The following SLC25A13 variants were observed in gnomAD, a reference collection of about 807,000 sequenced individuals.
SLC25A13 encodes solute carrier family 25 member 13, also known as electrogenic aspartate/glutamate antiporter SLC25A13, mitochondrial.
A neutral mutation model predicts 85.5 loss-of-function variants in SLC25A13; 70 were observed. The observed-to-expected ratio is 0.82, with a 90% CI of 0.68 to 1.00. The LOEUF (loss-of-function observed/expected upper bound fraction) is 1.00, where lower values mean the gene tolerates loss of function less well. Among genes scored for constraint, SLC25A13 ranks in the 50% least tolerant of loss-of-function variants. The probability of loss-of-function intolerance (pLI) is 0.00; values close to 1 mark genes in which losing one functional copy is unlikely to be tolerated. For synonymous variants in SLC25A13, 259 were observed against 288.7 expected, an observed-to-expected ratio of 0.90 and a Z score of 1.04; for missense variants, 765 against 819.8, an observed-to-expected ratio of 0.93 and a Z score of 0.82.
intron 11 of SLC25A13, among the ~76,000 whole-genome samples, chr7:96,175,130 T>A (rs1794169482): frequency 6.6e-6 from 1 of 152,112 alleles, no homozygotes; most frequent in African/African-American, 2.4e-5. Flanking sequence ...GAGAACCAGT[T>A]CTTCTGCCTG....
intron 14 of SLC25A13, among the ~76,000 whole-genome samples, chr7:96,138,398 CTTTTTTTTTT>C (rs751447641): frequency 5.0e-5 from 7 of 139,568 alleles, no homozygotes; most frequent in African/African-American, 1.6e-4. Flanking sequence ...TTTTCTTTTT[CTTTTTTTTTT>C]TTTTTGAAAC....
rs143048300 is a variant in SLC25A13, at chr7:96,307,484, G to T, written c.16-10533C>A. 2.7e-3 allele frequency among the ~76,000 whole-genome samples: 404 copies of T among 151,612 alleles called. 2 individuals are homozygous for T. The highest frequency in any genetic ancestry group is 4.2e-3 in the Non-Finnish European group (284 of 67,878). On this transcript the variant is annotated intron_variant, in intron 1 of 17. Coordinates refer to ENST00000265631, the MANE Select transcript of SLC25A13 (RefSeq NM_014251.3). ...AGGAGGCTGAGGTGGGAGGACTGTT[G>T]GTTGAGACCGCAGTGAGCCATAATC...
At chr7:96,215,180 C>A (rs919890539) in intron 4 of SLC25A13, among the ~76,000 whole-genome samples, 6 of 152,160 alleles carry the variant, frequency 3.9e-5, no homozygotes, top group African/African-American at 1.4e-4. Flanking sequence ...CTCACTGCAA[C>A]CTCTGCCTCC....
chr7:96,235,819 G>A (rs1482374052), intron 3 of SLC25A13, among the ~76,000 whole-genome samples: 2 of 152,196 alleles, frequency 1.3e-5, no homozygotes, highest in African/African-American at 4.8e-5. Context: ...CTTTCCGAAG[G>A]TCAAAATGTG....
At chr7:96,277,680 TG>T (rs1798512305) in intron 2 of SLC25A13, among the ~76,000 whole-genome samples, 1 of 152,070 alleles carries the variant, frequency 6.6e-6, no homozygotes. Context: ...GATGACTCCC[TG>T]CAACAGACAG....
At chr7:96,315,610 G>C (rs1421355784) in intron 1 of SLC25A13, among the ~76,000 whole-genome samples, 3 of 152,124 alleles carry the variant, frequency 2.0e-5, no homozygotes, top group Non-Finnish European at 2.9e-5. Flanking sequence ...AGGCCATCCA[G>C]CTCCAACAAG....
At position 96,220,479 on chromosome 7, in the gene SLC25A13, C is replaced by A. The variant is rs544630728; in HGVS notation, c.329-11502G>T. On this transcript the variant is annotated intron_variant, in intron 4 of 17. Coordinates refer to ENST00000265631, the MANE Select transcript of SLC25A13 (RefSeq NM_014251.3). ...ATGTTCTTGATTTTGTTTCCTTTATCAACCTATCAGAGCAAAAACTGCCTT... is the reference window on the plus strand; with the variant it reads ...ATGTTCTTGATTTTGTTTCCTTTATAAACCTATCAGAGCAAAAACTGCCTT... Among the ~76,000 whole-genome samples, 13 of 152,228 alleles carry A rather than the reference C, an allele frequency of 8.5e-5. 1 individual carries two copies. The South Asian group carries it at 2.5e-3, about 29-fold the overall frequency.
At chr7:96,298,713 A>T (rs1446015016) in intron 1 of SLC25A13, among the ~76,000 whole-genome samples, 1 of 152,218 alleles carries the variant, frequency 6.6e-6, no homozygotes, top group Non-Finnish European at 1.5e-5. Context: ...GATTACAGGC[A>T]TGAGCCACTG....
chr7:96,223,516 G>A (rs559188582), intron 4 of SLC25A13, among the ~76,000 whole-genome samples: 6 of 152,218 alleles, frequency 3.9e-5, no homozygotes, highest in African/African-American at 7.2e-5. Flanking sequence ...GGCTAGGCAC[G>A]GTGGCTCACG....
intron 5 of SLC25A13, among the ~76,000 whole-genome samples, chr7:96,194,442 C>CAAAAAAAAAAAAAAAAAAAA (rs546248549): frequency 1.4e-4 from 4 of 27,692 alleles, no homozygotes; most frequent in Non-Finnish European, 2.0e-4. Flanking sequence ...AACCTTGTCT[C>CAAAAAAAAAAAAAAAAAAAA]AAAAAAAAAA....
At chr7:96,153,194 C>T (rs1383229298) in intron 13 of SLC25A13, among the ~76,000 whole-genome samples, 1 of 152,104 alleles carries the variant, frequency 6.6e-6, no homozygotes, top group East Asian at 1.9e-4. Flanking sequence ...CAGAAACTGA[C>T]AAATCATAGT....
chr7:96,186,477 A>G (rs1317588658), intron 9 of SLC25A13, among the ~76,000 whole-genome samples: 1 of 152,222 alleles, frequency 6.6e-6, no homozygotes, highest in East Asian at 1.9e-4. Context: ...GTAACAAGCT[A>G]CAAGAATGTA....
intron 5 of SLC25A13, among the ~76,000 whole-genome samples, chr7:96,203,476 A>C (rs535713733): frequency 1.3e-5 from 2 of 152,288 alleles, no homozygotes; most frequent in African/African-American, 4.8e-5. Context: ...CAAATCCAGA[A>C]AACTTCTTTA....
rs982332112 is a variant in SLC25A13, at chr7:96,281,211, T to C, written c.70-3873A>G. 2.6e-5 allele frequency among the ~76,000 whole-genome samples: 4 copies of C among 151,798 alleles called. No individual in the cohort carries two copies. The East Asian group carries it at 5.8e-4, about 22-fold the overall frequency. ...CTTGAGACCAGCCTGGCCAACATGG[T>C]GAAACCCCGTCTGTACTAAAAATAC... is the stretch of plus-strand genomic sequence containing the variant. On this transcript the variant is annotated intron_variant, in intron 2 of 17. Coordinates refer to ENST00000265631, the MANE Select transcript of SLC25A13 (RefSeq NM_014251.3).
intron 3 of SLC25A13, among the ~76,000 whole-genome samples, chr7:96,269,475 A>C (rs561764578): frequency 2.6e-5 from 4 of 152,382 alleles, no homozygotes; most frequent in Non-Finnish European, 4.4e-5. Context: ...GGATCAAGCC[A>C]AAACTACCAC....
At position 96,151,710 on chromosome 7, in the gene SLC25A13, A is replaced by G. The variant is rs937034783; in HGVS notation, c.1312-5014T>C. On this transcript the variant is annotated intron_variant, in intron 13 of 17. Transcript: ENST00000265631. Reference sequence around the variant, plus strand: ...GTAATCCCAGCACTTTGGGAGGTCAAGGCAGGTGGATCACCTGAGGTCAGG... The same window carrying G: ...GTAATCCCAGCACTTTGGGAGGTCAGGGCAGGTGGATCACCTGAGGTCAGG... Among the ~76,000 whole-genome samples the G allele has an allele frequency of 2.0e-5, 3 of 152,168 alleles. No homozygotes were observed. In the East Asian group the frequency reaches 5.8e-4, roughly 29 times the overall value.
At chr7:96,132,881 C>T (rs1176788923) in intron 14 of SLC25A13, among the ~76,000 whole-genome samples, 1 of 152,150 alleles carries the variant, frequency 6.6e-6, no homozygotes, top group African/African-American at 2.4e-5. Context: ...CTGTCTGATG[C>T]TCCAAACTGT....
rs146289118 is a variant in SLC25A13 at position 96,287,122 on chromosome 7, C to T, written c.69+9776G>A. ...ATTAACTAAGAAGCTCGGCCTGGCA[C>T]GGTCCCCACATTGCTGTGTTTCCCG... On this transcript the variant is annotated intron_variant, in intron 2 of 17. Coordinates refer to ENST00000265631, the MANE Select transcript of SLC25A13 (RefSeq NM_014251.3). Among the ~76,000 whole-genome samples, 131 of 152,334 alleles carry T rather than the reference C, an allele frequency of 8.6e-4. No individual in the cohort carries two copies. In the East Asian group the frequency reaches 0.01, roughly 12 times the overall value.
In SLC25A13 at chr7:96,120,392, G is replaced by C. The variant is rs924580530; in HGVS notation, c.*799C>G. 2.2e-6 allele frequency: 1 copy of C among 454,160 alleles called. No homozygotes were observed. The highest frequency in any genetic ancestry group is 2.3e-5 in the Admixed American group (1 of 42,568). The allele number at this position is 454,160 out of a possible 1,614,324, so 28.1% of individuals were successfully genotyped here. On this transcript the variant is annotated 3_prime_UTR_variant, in exon 18 of 18. Coordinates refer to ENST00000265631, the MANE Select transcript of SLC25A13 (RefSeq NM_014251.3). ...ATGATGGGGAGATGAGGAGAATAGG[G>C]CAGGCAGCAACAGGGCAACATGCAT...
Sources: gnomAD v4.1 joint callset for allele counts (sites outside exome capture counted in the v4.1 genomes callset) on GRCh38, gnomAD v4.1.1 for gene constraint, MANE v1.5 for transcripts, NCBI Gene and HGNC (gene_info 2026-07-23, HGNC 2026-07-21) for gene names.